Variants in REXO1 observed in about 807,000 individuals in gnomAD.
REXO1 encodes RNA exonuclease 1 homolog.
Under a neutral mutation model 102.6 loss-of-function variants are expected in REXO1, and 42 were observed. That is an observed-to-expected ratio of 0.41 (90% CI 0.32 to 0.53). The LOEUF (loss-of-function observed/expected upper bound fraction) is 0.53. Among genes scored for constraint, REXO1 ranks in the 20% least tolerant of loss-of-function variants. The probability of loss-of-function intolerance (pLI) is 0.27; values close to 1 mark genes in which losing one functional copy is unlikely to be tolerated. For missense variants in REXO1, 1,819 were observed against 1,732.5 expected, an observed-to-expected ratio of 1.05 and a Z score of -0.89; for synonymous variants, 908 against 779.1, an observed-to-expected ratio of 1.17 and a Z score of -2.76.
Position 1,820,003 on chromosome 19 carries a change from G to T in REXO1, c.2581C>A (p.Leu861Met). 1 of 1,600,784 alleles carries T rather than the reference G, an allele frequency of 6.2e-7. No homozygotes were observed. Among genetic ancestry groups the T allele is most frequent in the Non-Finnish European group, 8.5e-7 (1 of 1,176,422 alleles). ...TTGAGGGTGTTCACGGCCACATTCAGGTAGATGTTCTTGCTGGGGCTGCGG... is the reference window on the plus strand; with the variant it reads ...TTGAGGGTGTTCACGGCCACATTCATGTAGATGTTCTTGCTGGGGCTGCGG... The part of the protein sequence containing the change: ...YDRSPSKNIY[L>M]NVAVNTLKKL... Residue 861 changes from leucine to methionine, a missense_variant, in exon 7 of 16, where the codon CTG (leucine) becomes ATG (methionine). Physicochemically the swap from Leu to Met is conservative, Grantham distance 15. Coordinates refer to ENST00000170168, the MANE Select transcript of REXO1 (RefSeq NM_020695.4).
Position 1,816,295 on chromosome 19 carries a change from C to T in REXO1, c.3507G>A (p.Leu1169=). The T allele has an allele frequency of 6.3e-7, 1 of 1,588,816 alleles. No homozygotes were observed. Among genetic ancestry groups the T allele is most frequent in the Non-Finnish European group, 8.6e-7 (1 of 1,168,134 alleles). ...GCAGGGACCGCTTGTAGGGGAGGCC[C>T]AGGCGGTGGGGGAAGAGCACAGACG... The part of the protein sequence containing the change: ...VDTSVLFPHR[L]GLPYKRSLRN... Residue 1169 remains leucine (L), a synonymous_variant, in exon 15 of 16, where the codon CTG becomes CTA. Transcript: ENST00000170168.
intron 1 of REXO1, among the ~76,000 whole-genome samples, chr19:1,829,624 C>G (rs1568703636): frequency 6.6e-6 from 1 of 152,078 alleles, no homozygotes; most frequent in Non-Finnish European, 1.5e-5. Context: ...GCCAGACCGA[C>G]ATGGAGAAAC....
Position 1,826,528 on chromosome 19 carries a change from G to C in REXO1, c.1911+350C>G, listed in dbSNP as rs962359812. 1.3e-5 allele frequency among the ~76,000 whole-genome samples: 2 copies of C among 151,276 alleles called. No individual in the cohort carries two copies. Among genetic ancestry groups the C allele is most frequent in the Non-Finnish European group, 3.0e-5 (2 of 67,742 alleles). On this transcript the variant is annotated intron_variant, in intron 2 of 15. Coordinates refer to ENST00000170168, the MANE Select transcript of REXO1 (RefSeq NM_020695.4). This position sits in a 1 kb window ranked among gnomAD's most constrained non-coding sequence, Gnocchi z 4.3. ...GGGGAAGGGAGGAAAGGGGAGGCGAGGGGAGAGGGGCTAGAAGGGTGTGCC... is the reference window on the plus strand; with the variant it reads ...GGGGAAGGGAGGAAAGGGGAGGCGACGGGAGAGGGGCTAGAAGGGTGTGCC...
intron 1 of REXO1, among the ~76,000 whole-genome samples, chr19:1,840,068 T>C (rs1366814598): frequency 6.6e-6 from 1 of 152,130 alleles, no homozygotes; most frequent in Non-Finnish European, 1.5e-5. Context: ...AGGGTGGGGA[T>C]GGACCTGTCG....
At chr19:1,833,208 G>A (rs557752110) in intron 1 of REXO1, among the ~76,000 whole-genome samples, 19 of 152,314 alleles carry the variant, frequency 1.2e-4, no homozygotes, top group Non-Finnish European at 5.9e-5. Context: ...CTGGGCAACA[G>A]AGCAAGATCC....
At chr19:1,833,202 G>C (rs114205353) in intron 1 of REXO1, among the ~76,000 whole-genome samples, 2,140 of 152,280 alleles carry the variant, frequency 0.014, 52 homozygotes, top group African/African-American at 0.049. Context: ...TCCAGCCTGG[G>C]CAACAGAGCA....
intron 5 of REXO1, 122 bp from the exon 6 acceptor site, chr19:1,820,517 A>G: frequency 1.7e-6 from 2 of 1,176,506 alleles, no homozygotes. Flanking sequence ...GGGACAGATC[A>G]GCCTGGCTGC....
In REXO1 at chr19:1,827,834, C is replaced by G; in HGVS notation, c.955G>C (p.Gly319Arg). The change falls in exon 2 of 16, where the codon GGG becomes CGG. Residue 319 changes from glycine (G) to arginine (R), a missense_variant. Coordinates refer to ENST00000170168, the MANE Select transcript of REXO1 (RefSeq NM_020695.4). ...ARADPEIKAT[G>R]QPPSKEGLEA... ...AGGCCCTCTTTGGAGGGTGGCTGCC[C>G]GGTGGCCTTGATCTCAGGGTCGGCC... The G allele has an allele frequency of 6.2e-7, 1 of 1,611,562 alleles. No individual in the cohort carries two copies. The highest frequency in any genetic ancestry group is 2.2e-5 in the East Asian group (1 of 44,840).
chr19:1,821,910 GA>G, intron 4 of REXO1: 1 of 579,050 alleles, frequency 1.7e-6, no homozygotes, highest in South Asian at 2.2e-5. Context: ...GGCCGCTGAG[GA>G]CACGTCACCG....
At chr19:1,821,009 A>G (rs1313581458) in intron 5 of REXO1, among the ~76,000 whole-genome samples, 1 of 150,216 alleles carries the variant, frequency 6.7e-6, no homozygotes, top group Non-Finnish European at 1.5e-5. Flanking sequence ...CAAAAAAAAA[A>G]AACACCAACC....
chr19:1,822,300 T>C (rs1028830187), intron 4 of REXO1: 10 of 166,900 alleles, frequency 6.0e-5, no homozygotes, highest in African/African-American at 9.5e-5. Flanking sequence ...CATCTGGCCC[T>C]GGAAGGTGCA....
At position 1,828,049 on chromosome 19, in the gene REXO1, C is replaced by T. The variant is rs1205081514; in HGVS notation, c.740G>A (p.Arg247Lys). 1.2e-6 allele frequency: 2 copies of T among 1,613,066 alleles called. No individual in the cohort carries two copies. The highest frequency in any genetic ancestry group is 4.5e-5 in the East Asian group (2 of 44,860). ...GGCCCGCTCATCCCGGGAGCTGGCC[C>T]TGCTGAGGTGCCGGGCCGAGTAGTT... ...LSNYSARHLS[R>K]ASSRDERAAK... The change falls in exon 2 of 16, where the codon AGG becomes AAG. Residue 247 changes from arginine (R) to lysine (K), a missense_variant. Transcript: ENST00000170168.
rs1014485323 is a variant in REXO1, at chr19:1,815,600, G to T, written c.*466C>A. 6 of 886,828 alleles carry T rather than the reference G, an allele frequency of 6.8e-6. No homozygotes were observed. The highest frequency in any genetic ancestry group is 6.2e-5 in the South Asian group (3 of 48,768). The allele number at this position is 886,828 out of a possible 1,614,324, so 54.9% of individuals were successfully genotyped here. A position where few individuals can be genotyped will look rare whatever the true frequency, so the allele number is the denominator to read the frequency against. ...GGAAGGCAGCAGGCCCGCTCTTCCC[G>T]GTGGGAAAGATGCTGTGCAAGTCAT... On this transcript the variant is annotated 3_prime_UTR_variant, in exon 16 of 16. Transcript: ENST00000170168. This position sits in a 1 kb window ranked among gnomAD's most constrained non-coding sequence, Gnocchi z 4.0.
chr19:1,827,817 T>C lies in REXO1; in HGVS notation c.972A>G (p.Lys324=). 6.2e-7 allele frequency: 1 copy of C among 1,609,004 alleles called. No individual in the cohort carries two copies. The highest frequency in any genetic ancestry group is 8.5e-7 in the Non-Finnish European group (1 of 1,178,924). Residue 324 remains lysine (K), a synonymous_variant, in exon 2 of 16, where the codon AAA becomes AAG. Coordinates refer to ENST00000170168, the MANE Select transcript of REXO1 (RefSeq NM_020695.4). ...CGCCCCCCTCGGCCTCCAGGCCCTC[T>C]TTGGAGGGTGGCTGCCCGGTGGCCT... ...EIKATGQPPS[K]EGLEAEGGGL...
Position 1,837,089 on chromosome 19 carries a change from C to T in REXO1, c.158-8458G>A, listed in dbSNP as rs558188568. The stretch of plus-strand genomic sequence containing the variant: ...GAGGACATTCCCAAAACAGCCACAG[C>T]GGCAGAGAAGGCACGGGGCTGACCC... On this transcript the variant is annotated intron_variant, in intron 1 of 15. Coordinates refer to ENST00000170168, the MANE Select transcript of REXO1 (RefSeq NM_020695.4). Among the ~76,000 whole-genome samples the T allele has an allele frequency of 3.5e-3, 534 of 152,326 alleles. 2 individuals are homozygous for T. The highest frequency in any genetic ancestry group is 6.3e-3 in the Non-Finnish European group (428 of 68,028).
chr19:1,827,346 G>C lies in REXO1; in HGVS notation c.1443C>G (p.Asp481Glu), dbSNP rs1296122616. The C allele has an allele frequency of 6.4e-6, 10 of 1,551,094 alleles. No individual in the cohort carries two copies. In the East Asian group the frequency reaches 2.4e-4, roughly 37 times the overall value. ...RGPPRPLQLP[D>E]RKSTKAPSGK... is the part of the protein sequence containing the mutation. ...CCGACGGGGCCTTGGTGCTCTTCCTGTCGGGCAGCTGGAGGGGGCGGGGTG... is the reference window on the plus strand; with the variant it reads ...CCGACGGGGCCTTGGTGCTCTTCCTCTCGGGCAGCTGGAGGGGGCGGGGTG... Residue 481 changes from aspartate to glutamate, a missense_variant, in exon 2 of 16, where the codon GAC becomes GAG. Asp to Glu is a conservative substitution (Grantham distance 45). Coordinates refer to ENST00000170168, the MANE Select transcript of REXO1 (RefSeq NM_020695.4).
At position 1,821,642 on chromosome 19, in the gene REXO1, G is replaced by C. The variant is rs1204037542; in HGVS notation, c.2271C>G (p.Ser757Arg). The C allele has an allele frequency of 1.9e-6, 3 of 1,613,066 alleles. No individual in the cohort carries two copies. The highest frequency in any genetic ancestry group is 2.2e-5 in the East Asian group (1 of 44,876). Residue 757 changes from serine to arginine, a missense_variant, in exon 5 of 16, where the codon AGC becomes AGG. Ser to Arg is a moderately radical substitution (Grantham distance 110). Transcript: ENST00000170168. ...GAKRTLAASGSQSSNGPEPGG... is the reference protein window; with the variant it reads ...GAKRTLAASGRQSSNGPEPGG... ...CTGGCTCAGGGCCGTTGGAGGACTG[G>C]CTGCCGCTGGCCGCAAGGGTCCTCT...
intron 1 of REXO1, among the ~76,000 whole-genome samples, chr19:1,846,247 A>G (rs1478958669): frequency 6.6e-6 from 1 of 152,158 alleles, no homozygotes; most frequent in East Asian, 1.9e-4. Context: ...TGGACATGGG[A>G]CATGCATCCC....
At chr19:1,839,007 C>T (rs939616289) in intron 1 of REXO1, among the ~76,000 whole-genome samples, 8 of 152,056 alleles carry the variant, frequency 5.3e-5, no homozygotes, top group Admixed American at 2.0e-4. Flanking sequence ...ATAATCCCAG[C>T]ACTTCGGAAA....
Sources: gnomAD v4.1 joint callset for allele counts (sites outside exome capture counted in the v4.1 genomes callset) on GRCh38, gnomAD v4.1.1 for gene constraint, Gnocchi (gnomAD v3.1) non-coding constraint, MANE v1.5 for transcripts, NCBI Gene and HGNC (gene_info 2026-07-23, HGNC 2026-07-21) for gene names.